Variants in CD28 observed in about 807,000 individuals in gnomAD.
CD28 encodes T-cell-specific surface glycoprotein CD28.
In CD28, 8 loss-of-function variants were observed where a neutral mutation model predicts 21.4. The observed-to-expected ratio is 0.37, with a 90% confidence interval of 0.22 to 0.68. The LOEUF is 0.68. Ranked by LOEUF, CD28 falls within the 30% of genes least tolerant of loss-of-function variation. The pLI is 0.55. For synonymous variants in CD28, 106 were observed against 104.0 expected (o/e 1.02, Z -0.12); for missense variants, 239 against 272.2 (o/e 0.88, Z 0.86).
chr2:203,724,731 T>A (rs1693693678), intron 1 of CD28, among the ~76,000 whole-genome samples: 1 of 152,178 alleles, frequency 6.6e-6, no homozygotes, highest in Non-Finnish European at 1.5e-5. Flanking sequence ...ATTAATTTAG[T>A]TCTATGCCAT....
Position 203,729,671 on chromosome 2 carries a change from C to G in CD28, c.433C>G (p.Leu145Val), listed in dbSNP as rs780711708. The G allele has an allele frequency of 1.2e-6, 2 of 1,614,008 alleles. No homozygotes were observed. Among genetic ancestry groups the G allele is most frequent in the East Asian group, 4.5e-5 (2 of 44,884 alleles). Reference protein sequence around the residue: ...VKGKHLCPSPLFPGPSKPFWV... With the variant: ...VKGKHLCPSPVFPGPSKPFWV... ...AGGGAAACACCTTTGTCCAAGTCCC[C>G]TATTTCCCGGACCTTCTAAGCCCTT... Residue 145 changes from leucine to valine, a missense_variant, in exon 3 of 4, where the codon CTA (leucine) becomes GTA (valine). Transcript: ENST00000324106.
chr2:203,725,501 G>T (rs931050372), intron 1 of CD28, among the ~76,000 whole-genome samples: 2 of 150,528 alleles, frequency 1.3e-5, no homozygotes, highest in Admixed American at 6.6e-5. Flanking sequence ...AAAAAAAAAA[G>T]AAATAATATT....
In CD28 at chr2:203,726,541, C is replaced by A. The variant is rs915122362; in HGVS notation, c.53-92C>A. 6 of 851,752 alleles carry A rather than the reference C, an allele frequency of 7.0e-6. No homozygotes were observed. In the African/African-American group the frequency reaches 8.5e-5, roughly 12 times the overall value. 52.8% of individuals were successfully genotyped at this position (851,752 alleles called of 1,614,324 possible). On this transcript the variant is annotated intron_variant, in intron 1 of 3. Coordinates refer to ENST00000324106, the MANE Select transcript of CD28 (RefSeq NM_006139.4). ...CCAAGAGAAAACCTTTGCTGGAGATCTGTTCATTTAGTTAATTAATATATT... is the reference window on the plus strand; with the variant it reads ...CCAAGAGAAAACCTTTGCTGGAGATATGTTCATTTAGTTAATTAATATATT...
At chr2:203,734,172 G>A (rs567071528) in intron 3 of CD28, among the ~76,000 whole-genome samples, 1 of 152,292 alleles carries the variant, frequency 6.6e-6, no homozygotes, top group African/African-American at 2.4e-5. Flanking sequence ...TTCATGGTGG[G>A]TGAAACTATT....
At chr2:203,710,681 AC>A (rs1412524310) in intron 1 of CD28, among the ~76,000 whole-genome samples, 3 of 152,214 alleles carry the variant, frequency 2.0e-5, no homozygotes, top group African/African-American at 7.2e-5. Flanking sequence ...TTTTTATGCC[AC>A]CAACATCCCA....
At chr2:203,717,401 C>G (rs1478658436) in intron 1 of CD28, among the ~76,000 whole-genome samples, 1 of 152,182 alleles carries the variant, frequency 6.6e-6, no homozygotes, top group Admixed American at 6.5e-5. Flanking sequence ...CTCTTGCCTT[C>G]TGGTTCTGGT....
intron 1 of CD28, among the ~76,000 whole-genome samples, chr2:203,716,735 A>C (rs1013839806): frequency 6.6e-5 from 10 of 152,338 alleles, no homozygotes; most frequent in African/African-American, 2.2e-4. Context: ...GACAAGAACA[A>C]GTGTCCTCTA....
At chr2:203,724,188 T>A (rs1693680973) in intron 1 of CD28, among the ~76,000 whole-genome samples, 1 of 152,124 alleles carries the variant, frequency 6.6e-6, no homozygotes, top group African/African-American at 2.4e-5. Flanking sequence ...GGCAAATTCA[T>A]AGGGCCAAAG....
In CD28 at chr2:203,729,732, G is replaced by T; in HGVS notation, c.494G>T (p.Cys165Phe). The T allele has an allele frequency of 6.2e-7, 1 of 1,614,036 alleles. No individual in the cohort carries two copies. The highest frequency in any genetic ancestry group is 8.5e-7 in the Non-Finnish European group (1 of 1,179,936). ...VLVVVGGVLACYSLLVTVAFI... is the reference protein window; with the variant it reads ...VLVVVGGVLAFYSLLVTVAFI... ...GTGGTGGTTGGTGGAGTCCTGGCTTGCTATAGCTTGCTAGTAACAGTGGCC... is the reference window on the plus strand; with the variant it reads ...GTGGTGGTTGGTGGAGTCCTGGCTTTCTATAGCTTGCTAGTAACAGTGGCC... Residue 165 changes from cysteine (C) to phenylalanine (F), a missense_variant, in exon 3 of 4, where the codon TGC becomes TTC. Cys to Phe is a radical substitution (Grantham distance 205, BLOSUM62 -2). Coordinates refer to ENST00000324106, the MANE Select transcript of CD28 (RefSeq NM_006139.4).
intron 1 of CD28, among the ~76,000 whole-genome samples, chr2:203,707,865 G>A (rs1165155278): frequency 6.6e-6 from 1 of 152,104 alleles, no homozygotes; most frequent in African/African-American, 2.4e-5. Context: ...GTAAATCCAG[G>A]GTTAAATTAA....
At chr2:203,709,075 T>A (rs1346190320) in intron 1 of CD28, among the ~76,000 whole-genome samples, 3 of 151,682 alleles carry the variant, frequency 2.0e-5, no homozygotes, top group Non-Finnish European at 4.4e-5. Context: ...TGAACTTAGA[T>A]TGCACCCCTG....
chr2:203,717,492 C>T (rs186066085), intron 1 of CD28, among the ~76,000 whole-genome samples: 76 of 152,284 alleles, frequency 5.0e-4, no homozygotes, highest in African/African-American at 1.6e-3. Flanking sequence ...TGGCACTACC[C>T]CTCGTGGTTC....
chr2:203,727,267 A>C (rs1353630803), intron 2 of CD28, among the ~76,000 whole-genome samples: 1 of 152,178 alleles, frequency 6.6e-6, no homozygotes, highest in East Asian at 1.9e-4. Flanking sequence ...ATTCCAGTGG[A>C]TCATGGCAGA....
chr2:203,718,382 C>T, intron 1 of CD28, among the ~76,000 whole-genome samples: 1 of 152,196 alleles, frequency 6.6e-6, no homozygotes, highest in Non-Finnish European at 1.5e-5. Flanking sequence ...TTAACTAGCT[C>T]TGTGGTCAGG....
intron 1 of CD28, among the ~76,000 whole-genome samples, chr2:203,710,091 G>A (rs1693269759): frequency 6.6e-6 from 1 of 152,198 alleles, no homozygotes; most frequent in Non-Finnish European, 1.5e-5. Context: ...ACAGTTAAGT[G>A]TTGCTCTGAG....
intron 3 of CD28, among the ~76,000 whole-genome samples, chr2:203,732,945 C>G (rs527534617): frequency 6.6e-6 from 1 of 152,184 alleles, no homozygotes; most frequent in East Asian, 1.9e-4. Flanking sequence ...AATCAAGACA[C>G]CTTTATTGCT....
intron 1 of CD28, among the ~76,000 whole-genome samples, chr2:203,718,690 C>T (rs192264579): frequency 1.6e-3 from 243 of 152,328 alleles, no homozygotes; most frequent in Admixed American, 2.5e-3. Flanking sequence ...TTCCAGCTCT[C>T]TAACTGCTTC....
At chr2:203,720,927 T>C (rs1693588533) in intron 1 of CD28, among the ~76,000 whole-genome samples, 1 of 152,240 alleles carries the variant, frequency 6.6e-6, no homozygotes, top group African/African-American at 2.4e-5. Context: ...TTTACTGTCT[T>C]GCAAAGCATA....
chr2:203,710,376 T>C (rs1192917308), intron 1 of CD28, among the ~76,000 whole-genome samples: 3 of 152,206 alleles, frequency 2.0e-5, no homozygotes, highest in Non-Finnish European at 4.4e-5. Flanking sequence ...AAAATTAATA[T>C]CAATATATCA....
Sources: allele counts gnomAD v4.1 joint callset (sites outside exome capture counted in the v4.1 genomes callset), GRCh38; gene constraint gnomAD v4.1.1; transcripts MANE v1.5; gene names NCBI Gene and HGNC (gene_info 2026-07-23, HGNC 2026-07-21).